XYLT1: variants seen among roughly 807,000 people sequenced by gnomAD.
XYLT1 encodes beta-D-xylosyltransferase 1.
XYLT1 carries 36 observed loss-of-function variants against 91.3 expected under a neutral mutation model. The observed-to-expected ratio is 0.39, with a 90% CI of 0.30 to 0.52. The LOEUF (loss-of-function observed/expected upper bound fraction) is 0.52, where lower values mean the gene tolerates loss of function less well. Ranked by LOEUF, XYLT1 falls within the 20% of genes least tolerant of loss-of-function variation. XYLT1 has a pLI of 0.68. For synonymous variants in XYLT1, 588 were observed against 532.0 expected, an observed-to-expected ratio of 1.11 and a Z score of -1.45; for missense variants, 1,242 against 1,284.5, an observed-to-expected ratio of 0.97 and a Z score of 0.51.
chr16:17,276,823 G>T (rs948027310), intron 2 of XYLT1, among the ~76,000 whole-genome samples: 2 of 152,164 alleles, frequency 1.3e-5, no homozygotes, highest in Non-Finnish European at 2.9e-5. Flanking sequence ...AGGGAAAGTC[G>T]TTTACCCTCT....
rs74847696 is a variant in XYLT1 at position 17,253,584 on chromosome 16, G to A, written c.913+5404C>T. On this transcript the variant is annotated intron_variant, in intron 3 of 11. Coordinates refer to ENST00000261381, the MANE Select transcript of XYLT1 (RefSeq NM_022166.4). Reference sequence around the variant, plus strand: ...ACTACCAGGTACAGTTCTTAGCTGTGTACTAGGCCCTTGGAAACCCTCTAA... The same window carrying A: ...ACTACCAGGTACAGTTCTTAGCTGTATACTAGGCCCTTGGAAACCCTCTAA... 4.5e-3 allele frequency among the ~76,000 whole-genome samples: 691 copies of A among 152,216 alleles called. 5 individuals carry two copies. The highest frequency in any genetic ancestry group is 0.016 in the African/African-American group (668 of 41,518).
intron 1 of XYLT1, among the ~76,000 whole-genome samples, chr16:17,459,842 T>C (rs1288526547): frequency 6.6e-6 from 1 of 152,090 alleles, no homozygotes; most frequent in Non-Finnish European, 1.5e-5. Context: ...AATGAATGGA[T>C]GAGTAGGTGG....
At chr16:17,280,741 T>A (rs1335263987) in intron 2 of XYLT1, among the ~76,000 whole-genome samples, 1 of 152,198 alleles carries the variant, frequency 6.6e-6, no homozygotes, top group Non-Finnish European at 1.5e-5. Flanking sequence ...ATTTTGTGTA[T>A]CTGTAAGTTT....
intron 2 of XYLT1, among the ~76,000 whole-genome samples, chr16:17,263,082 C>T (rs1435914193): frequency 6.6e-6 from 1 of 152,120 alleles, no homozygotes; most frequent in African/African-American, 2.4e-5. Context: ...CCCTGATGGA[C>T]ATCTTCGTTT....
chr16:17,262,750 C>T (rs2033741816), intron 2 of XYLT1, among the ~76,000 whole-genome samples: 2 of 152,110 alleles, frequency 1.3e-5, no homozygotes, highest in Non-Finnish European at 2.9e-5. Context: ...CTGAGTGAGG[C>T]CCATGTGGAG....
chr16:17,427,394 G>C lies in XYLT1; in HGVS notation c.363+43040C>G, dbSNP rs1289419852. ...CCTCACGGCAGCCTCCCAGGCTTAA[G>C]CAATCTTCCCACCTCAGCCTCCTGA... On this transcript the variant is annotated intron_variant, in intron 1 of 11. Transcript: ENST00000261381. Among the ~76,000 whole-genome samples, 8 of 152,236 alleles carry C rather than the reference G, an allele frequency of 5.3e-5. No individual in the cohort carries two copies. In the East Asian group the frequency reaches 9.6e-4, roughly 18 times the overall value.
At chr16:17,247,034 T>C (rs970685194) in intron 3 of XYLT1, among the ~76,000 whole-genome samples, 7 of 151,724 alleles carry the variant, frequency 4.6e-5, no homozygotes, top group African/African-American at 1.7e-4. Flanking sequence ...TATGAATTCC[T>C]AGCCCTGGAC....
intron 1 of XYLT1, among the ~76,000 whole-genome samples, chr16:17,425,885 A>G (rs980282518): frequency 6.6e-6 from 1 of 152,030 alleles, no homozygotes; most frequent in Non-Finnish European, 1.5e-5. Flanking sequence ...AACTTCCAGA[A>G]AGTTAATGTC....
At chr16:17,280,700 A>G (rs921419328) in intron 2 of XYLT1, among the ~76,000 whole-genome samples, 1 of 152,214 alleles carries the variant, frequency 6.6e-6, no homozygotes, top group African/African-American at 2.4e-5. Context: ...TTTAGTTAAT[A>G]CGTATGTGTT....
chr16:17,155,910 G>A (rs1294676664), intron 6 of XYLT1, among the ~76,000 whole-genome samples: 1 of 152,068 alleles, frequency 6.6e-6, no homozygotes, highest in African/African-American at 2.4e-5. Flanking sequence ...GGCACCTAGA[G>A]GCAAAATTCA....
chr16:17,128,944 C>T lies in XYLT1; in HGVS notation c.2028-1083G>A, dbSNP rs561452327. Among the ~76,000 whole-genome samples the T allele has an allele frequency of 1.2e-4, 18 of 152,274 alleles. No individual in the cohort carries two copies. The East Asian group carries it at 3.5e-3, about 29-fold the overall frequency. ...TCCCTGCTCAGCTAAACGCAGCCTT[C>T]CCTCTGGTCCTGATCTGGAGTTTTA... On this transcript the variant is annotated intron_variant, in intron 9 of 11. Transcript: ENST00000261381.
chr16:17,321,835 C>T (rs1170741119), intron 2 of XYLT1, among the ~76,000 whole-genome samples: 1 of 152,028 alleles, frequency 6.6e-6, no homozygotes, highest in East Asian at 1.9e-4. Flanking sequence ...CCCCTGCACA[C>T]AAAAAATGAC....
intron 3 of XYLT1, among the ~76,000 whole-genome samples, chr16:17,216,522 C>CCAAATCGTT (rs1316509485): frequency 6.6e-6 from 1 of 152,176 alleles, no homozygotes; most frequent in East Asian, 1.9e-4. Flanking sequence ...GGACATTTCT[C>CCAAATCGTT]CAAATCGTTT....
At chr16:17,380,441 C>T (rs572401826) in intron 1 of XYLT1, among the ~76,000 whole-genome samples, 2 of 152,254 alleles carry the variant, frequency 1.3e-5, no homozygotes, top group South Asian at 4.1e-4. Flanking sequence ...GCAATGATTC[C>T]TTTAAAGACA....
At chr16:17,461,732 G>A (rs1302549976) in intron 1 of XYLT1, among the ~76,000 whole-genome samples, 1 of 152,094 alleles carries the variant, frequency 6.6e-6, no homozygotes, top group African/African-American at 2.4e-5. Context: ...TAGAGTCAAC[G>A]GACTTACTGA....
intron 2 of XYLT1, among the ~76,000 whole-genome samples, chr16:17,336,695 C>T (rs1218745525): frequency 6.6e-6 from 1 of 152,206 alleles, no homozygotes; most frequent in African/African-American, 2.4e-5. Flanking sequence ...TCCAGCCCGT[C>T]CGAATCCCAC....
chr16:17,288,313 G>A (rs972781323), intron 2 of XYLT1, among the ~76,000 whole-genome samples: 2 of 151,206 alleles, frequency 1.3e-5, no homozygotes, highest in South Asian at 2.1e-4. Context: ...AAGCAGAGAG[G>A]CTACAAGATA....
intron 1 of XYLT1, among the ~76,000 whole-genome samples, chr16:17,375,278 T>A (rs2035584306): frequency 6.6e-6 from 1 of 152,114 alleles, no homozygotes; most frequent in African/African-American, 2.4e-5. Flanking sequence ...AAGTACATAC[T>A]ATTCTGGGTC....
At chr16:17,219,800 G>A (rs951856905) in intron 3 of XYLT1, among the ~76,000 whole-genome samples, 8 of 152,052 alleles carry the variant, frequency 5.3e-5, no homozygotes, top group Admixed American at 1.3e-4. Flanking sequence ...AGGCCGAGGC[G>A]GGTGGATCAT....
Sources: gnomAD v4.1 joint callset for allele counts (sites outside exome capture counted in the v4.1 genomes callset) on GRCh38, gnomAD v4.1.1 for gene constraint, MANE v1.5 for transcripts, NCBI Gene and HGNC (gene_info 2026-07-23, HGNC 2026-07-21) for gene names.